The following TNRC6C variants were observed in gnomAD, a reference collection of about 807,000 sequenced individuals.
The protein encoded by TNRC6C is trinucleotide repeat containing adaptor 6C.
TNRC6C carries 20 observed loss-of-function variants against 153.7 expected under a neutral mutation model. That is an observed-to-expected ratio of 0.13 (90% CI 0.09 to 0.19). The LOEUF is 0.19. Ranked by LOEUF, TNRC6C falls within the 10% of genes least tolerant of loss-of-function variation. TNRC6C has a pLI of 1.00. For missense variants in TNRC6C, 1,987 were observed against 2,172.0 expected (o/e 0.91, Z 1.69); for synonymous variants, 811 against 841.4 (o/e 0.96, Z 0.63).
intron 2 of TNRC6C, among the ~76,000 whole-genome samples, chr17:78,046,501 A>G (rs893721949): frequency 1.3e-5 from 2 of 152,156 alleles, no homozygotes; most frequent in African/African-American, 2.4e-5. Flanking sequence ...GCTGATAACC[A>G]TACATTATCT....
At chr17:78,086,247 T>C (rs2073280815) in intron 11 of TNRC6C, among the ~76,000 whole-genome samples, 1 of 145,928 alleles carries the variant, frequency 6.9e-6, no homozygotes, top group Admixed American at 7.2e-5. Context: ...GGAGAATTGC[T>C]TGAACCCGGG....
At chr17:78,048,866 C>CAGAT in exon 3 of TNRC6C, 1 of 1,244,002 alleles carries the variant, frequency 8.0e-7, no homozygotes, top group Non-Finnish European at 1.0e-6. Flanking sequence ...AGTGGATTGG[C>CAGAT]AGATCATTAT....
chr17:78,002,736 TAAAC>T (rs1289798380), upstream of TNRC6C, among the ~76,000 whole-genome samples: 1 of 152,140 alleles, frequency 6.6e-6, no homozygotes, highest in Non-Finnish European at 1.5e-5. Context: ...TTTACAAAAA[TAAAC>T]AAAGCTTTTC....
intron 2 of TNRC6C, among the ~76,000 whole-genome samples, chr17:78,048,231 G>A (rs947251814): frequency 3.3e-5 from 5 of 152,064 alleles, no homozygotes; most frequent in Non-Finnish European, 7.4e-5. Context: ...GTAGTATACA[G>A]CTAATTAAAC....
At chr17:78,018,995 T>C (rs1196316689) in intron 1 of TNRC6C, among the ~76,000 whole-genome samples, 2 of 152,012 alleles carry the variant, frequency 1.3e-5, no homozygotes, top group Non-Finnish European at 2.9e-5. Flanking sequence ...AGCTCATTGC[T>C]GTTTCTGAGA....
intron 1 of TNRC6C, among the ~76,000 whole-genome samples, chr17:78,012,745 T>C (rs2071658616): frequency 6.6e-6 from 1 of 152,136 alleles, no homozygotes; most frequent in Non-Finnish European, 1.5e-5. Flanking sequence ...TTTACAATGT[T>C]GGCAGCAGAG....
At chr17:78,077,129 G>A (rs2073098983) in intron 8 of TNRC6C, 56 bp from the exon 11 acceptor site, 4 of 1,540,336 alleles carry the variant, frequency 2.6e-6, no homozygotes, top group East Asian at 2.4e-5. Flanking sequence ...AAACTGTTTG[G>A]TGCTTTGTCT....
intron 1 of TNRC6C, among the ~76,000 whole-genome samples, chr17:77,961,386 C>G (rs1169362919): frequency 6.6e-6 from 1 of 152,170 alleles, no homozygotes; most frequent in East Asian, 1.9e-4. Flanking sequence ...GAACTCCTGA[C>G]TTCAGGTGAT....
chr17:78,004,983 T>C (rs1054492794), upstream of TNRC6C: 17 of 1,090,076 alleles, frequency 1.6e-5, no homozygotes, highest in African/African-American at 2.1e-4. Context: ...TTATAAACTT[T>C]CATAGATGTG....
intron 1 of TNRC6C, among the ~76,000 whole-genome samples, chr17:77,978,987 A>T (rs570318900): frequency 1.3e-5 from 2 of 152,226 alleles, no homozygotes; most frequent in East Asian, 1.9e-4. Flanking sequence ...AGTTTTGTGC[A>T]TGCAAGATTA....
exon 15 of TNRC6C, chr17:78,093,093 C>T (rs1305906544): frequency 6.2e-7 from 1 of 1,613,232 alleles, no homozygotes; most frequent in South Asian, 1.1e-5. Context: ...GTGATAAAAT[C>T]TCAAATGGCT....
chr17:77,976,853 C>G (rs1471533854), intron 1 of TNRC6C, among the ~76,000 whole-genome samples: 1 of 140,302 alleles, frequency 7.1e-6, no homozygotes, highest in Non-Finnish European at 1.5e-5. Context: ...TGCTTGAATC[C>G]AGGTGGTGGA....
intron 2 of TNRC6C, among the ~76,000 whole-genome samples, chr17:78,038,521 T>C (rs887674477): frequency 3.4e-5 from 5 of 148,904 alleles, no homozygotes; most frequent in African/African-American, 9.9e-5. Context: ...AAAAAAAAAA[T>C]ACAAAAAATT....
intron 2 of TNRC6C, among the ~76,000 whole-genome samples, chr17:78,032,547 G>C (rs2072097089): frequency 6.6e-6 from 1 of 152,172 alleles, no homozygotes; most frequent in Non-Finnish European, 1.5e-5. Context: ...GTGGTCAACT[G>C]CCATGTTCTC....
At chr17:78,055,004 G>A (rs753077618) in intron 3 of TNRC6C, among the ~76,000 whole-genome samples, 1 of 152,044 alleles carries the variant, frequency 6.6e-6, no homozygotes, top group Non-Finnish European at 1.5e-5. Context: ...GCGGACTACT[G>A]TACACCACTG....
intron 17 of TNRC6C, among the ~76,000 whole-genome samples, chr17:78,102,052 T>A (rs1243378588): frequency 6.6e-6 from 1 of 152,236 alleles, no homozygotes; most frequent in Non-Finnish European, 1.5e-5. Flanking sequence ...AGTAATGGTT[T>A]CTGCCTTTTA....
At chr17:78,098,984 C>T (rs1450608090) in intron 17 of TNRC6C, among the ~76,000 whole-genome samples, 1 of 152,056 alleles carries the variant, frequency 6.6e-6, no homozygotes, top group African/African-American at 2.4e-5. Context: ...TTTTGCAGGC[C>T]CAAAACAAAA....
chr17:78,073,167 A>T, intron 7 of TNRC6C, 73 bp downstream of exon 9: 1 of 1,348,070 alleles, frequency 7.4e-7, no homozygotes, highest in Non-Finnish European at 1.0e-6. Context: ...ATTTGATTGT[A>T]GTCATGGTTT....
intron 1 of TNRC6C, among the ~76,000 whole-genome samples, chr17:78,008,174 G>A (rs1050887750): frequency 2.6e-5 from 4 of 152,118 alleles, no homozygotes; most frequent in East Asian, 1.9e-4. Context: ...GACTAATGCC[G>A]AACTGAAGCT....
Sources: gnomAD v4.1 joint callset for allele counts (sites outside exome capture counted in the v4.1 genomes callset) on GRCh38, gnomAD v4.1.1 for gene constraint, MANE v1.5 for transcripts, NCBI Gene and HGNC (gene_info 2026-07-23, HGNC 2026-07-21) for gene names.